CHCHD3: variants seen among roughly 807,000 people sequenced by gnomAD.
The protein encoded by CHCHD3 is coiled-coil-helix-coiled-coil-helix domain containing 3, also known as MICOS complex subunit MIC19.
In CHCHD3, 20 loss-of-function variants were observed where a neutral mutation model predicts 38.2. The ratio of observed to expected loss-of-function variants is 0.52; its 90% CI spans 0.37 to 0.76. The LOEUF (loss-of-function observed/expected upper bound fraction) is 0.76, where lower values mean the gene tolerates loss of function less well. Among genes scored for constraint, CHCHD3 ranks in the 30% least tolerant of loss-of-function variants. The pLI, the probability that CHCHD3 is intolerant of heterozygous loss-of-function variation, is 0.00. For synonymous variants in CHCHD3, 82 were observed against 100.0 expected (o/e 0.82, Z 1.07); for missense variants, 245 against 279.2 (o/e 0.88, Z 0.87).
chr7:132,955,105 T>C (rs1334274287), intron 4 of CHCHD3, among the ~76,000 whole-genome samples: 1 of 151,736 alleles, frequency 6.6e-6, no homozygotes, highest in Non-Finnish European at 1.5e-5. Context: ...GGTCCCAAAC[T>C]ATCACACTGT....
At chr7:133,031,012 C>T (rs145803545) in intron 2 of CHCHD3, among the ~76,000 whole-genome samples, 1 of 152,230 alleles carries the variant, frequency 6.6e-6, no homozygotes, top group Non-Finnish European at 1.5e-5. Flanking sequence ...GTCCAAGGGT[C>T]TTCTTTAAGG....
chr7:132,938,540 G>A (rs1810685180), intron 4 of CHCHD3, among the ~76,000 whole-genome samples: 1 of 151,752 alleles, frequency 6.6e-6, no homozygotes, highest in Non-Finnish European at 1.5e-5. Flanking sequence ...GGCAGCCTAG[G>A]CAAGTTCTTA....
chr7:132,955,173 G>GGGGGGTGTGTGTGTGTGTGT (rs138213006), intron 4 of CHCHD3, among the ~76,000 whole-genome samples: 13 of 126,288 alleles, frequency 1.0e-4, no homozygotes, highest in African/African-American at 3.9e-4. Flanking sequence ...TCCCTCAGAG[G>GGGGGGTGTGTGTGTGTGTGT]GTGTGTGTGT....
At chr7:132,904,684 G>A (rs544947476) in intron 4 of CHCHD3, among the ~76,000 whole-genome samples, 5 of 152,258 alleles carry the variant, frequency 3.3e-5, no homozygotes, top group Admixed American at 6.5e-5. Context: ...GCAGTGTGGC[G>A]ATTCCTCAGG....
chr7:132,812,490 T>C (rs11972173), intron 6 of CHCHD3, among the ~76,000 whole-genome samples: 22,685 of 152,116 alleles, frequency 0.15, 1,774 homozygotes, highest in Middle Eastern at 0.19. Flanking sequence ...ATTACAGGCA[T>C]GAGCCACCGC....
At chr7:133,003,800 C>G (rs79663369) in intron 3 of CHCHD3, among the ~76,000 whole-genome samples, 3 of 152,040 alleles carry the variant, frequency 2.0e-5, no homozygotes, top group Non-Finnish European at 4.4e-5. Context: ...TAAAAATACA[C>G]GGAGGATAAA....
intron 6 of CHCHD3, among the ~76,000 whole-genome samples, chr7:132,819,428 C>T (rs905180905): frequency 6.6e-6 from 1 of 151,840 alleles, no homozygotes; most frequent in East Asian, 1.9e-4. Flanking sequence ...TTTTTTGTTG[C>T]CCCTAACCTC....
chr7:132,891,268 G>A (rs1056922810), intron 4 of CHCHD3, among the ~76,000 whole-genome samples: 2 of 152,290 alleles, frequency 1.3e-5, no homozygotes, highest in East Asian at 1.9e-4. Flanking sequence ...CCATATCAGA[G>A]GGTGACCTTC....
chr7:133,046,708 G>A (rs370020823), intron 2 of CHCHD3, among the ~76,000 whole-genome samples: 39 of 152,060 alleles, frequency 2.6e-4, no homozygotes, highest in Admixed American at 2.0e-3. Flanking sequence ...GACTACAGGC[G>A]CCCGCCACCA....
chr7:132,953,541 T>C (rs1811084125), intron 4 of CHCHD3, among the ~76,000 whole-genome samples: 2 of 152,318 alleles, frequency 1.3e-5, no homozygotes, highest in Admixed American at 6.5e-5. Context: ...TGAGCCTCCC[T>C]GACCCCAGCT....
chr7:132,919,311 T>C (rs1810201613), intron 4 of CHCHD3, among the ~76,000 whole-genome samples: 1 of 151,702 alleles, frequency 6.6e-6, no homozygotes, highest in African/African-American at 2.4e-5. Flanking sequence ...CGGGGTTTCA[T>C]CGTGTTAACC....
intron 6 of CHCHD3, among the ~76,000 whole-genome samples, chr7:132,828,297 T>G (rs919875436): frequency 1.3e-5 from 2 of 152,206 alleles, no homozygotes; most frequent in Non-Finnish European, 2.9e-5. Context: ...TCAGTCTTCT[T>G]GATTTTTGCC....
intron 4 of CHCHD3, among the ~76,000 whole-genome samples, chr7:132,916,575 A>G (rs1383552429): frequency 1.3e-5 from 2 of 152,148 alleles, no homozygotes; most frequent in Non-Finnish European, 2.9e-5. Flanking sequence ...ATTGCTATTA[A>G]TCTCTTACTA....
chr7:132,880,946 T>C (rs1452054354), intron 5 of CHCHD3, among the ~76,000 whole-genome samples: 1 of 152,200 alleles, frequency 6.6e-6, no homozygotes, highest in Admixed American at 6.5e-5. Context: ...ATACTATCTA[T>C]GTCTCTTATA....
At chr7:132,913,006 G>A (rs753900167) in intron 4 of CHCHD3, among the ~76,000 whole-genome samples, 33 of 152,214 alleles carry the variant, frequency 2.2e-4, no homozygotes, top group Non-Finnish European at 4.1e-4. Context: ...CAGCCCACAT[G>A]CACTGTGCCA....
intron 6 of CHCHD3, among the ~76,000 whole-genome samples, chr7:132,832,859 TA>T (rs1807683618): frequency 6.6e-6 from 1 of 152,188 alleles, no homozygotes; most frequent in African/African-American, 2.4e-5. Context: ...AGGCTTCTCT[TA>T]CATGCTATTC....
At chr7:132,860,300 GAT>G (rs754271345) in intron 5 of CHCHD3, among the ~76,000 whole-genome samples, 2,529 of 105,452 alleles carry the variant, frequency 0.024, 48 homozygotes, top group East Asian at 0.14. Context: ...TAGATAGATA[GAT>G]AGAGAGAGAG....
At chr7:132,800,504 T>C (rs1454940010) in intron 6 of CHCHD3, among the ~76,000 whole-genome samples, 1 of 152,224 alleles carries the variant, frequency 6.6e-6, no homozygotes, top group Non-Finnish European at 1.5e-5. Flanking sequence ...CTTACCCATC[T>C]TTTTAGTTCT....
At chr7:132,996,549 T>C (rs1013771890) in intron 3 of CHCHD3, among the ~76,000 whole-genome samples, 42 of 152,368 alleles carry the variant, frequency 2.8e-4, no homozygotes, top group African/African-American at 9.9e-4. Flanking sequence ...AAGAGGTTTA[T>C]GTTAGGTCTC....
Sources: allele counts gnomAD v4.1 joint callset (sites outside exome capture counted in the v4.1 genomes callset), GRCh38; gene constraint gnomAD v4.1.1; transcripts MANE v1.5; gene names NCBI Gene and HGNC (gene_info 2026-07-23, HGNC 2026-07-21).